Variants in RNASEH2B observed in about 807,000 individuals in gnomAD.
The protein encoded by RNASEH2B is ribonuclease H2 subunit B.
In RNASEH2B, 36 loss-of-function variants were observed where a neutral mutation model predicts 45.0. The ratio of observed to expected loss-of-function variants is 0.80; its 90% CI spans 0.61 to 1.06. RNASEH2B has a LOEUF of 1.06. Among genes scored for constraint, RNASEH2B ranks in the 50% least tolerant of loss-of-function variants. The pLI is 0.00. For synonymous variants in RNASEH2B, 119 were observed against 125.7 expected (o/e 0.95, Z 0.35); for missense variants, 361 against 360.3 (o/e 1.00, Z -0.02).
At chr13:50,927,674 T>C (rs1191341488) in intron 2 of RNASEH2B, among the ~76,000 whole-genome samples, 196 bp downstream of exon 2, 1 of 152,206 alleles carries the variant, frequency 6.6e-6, no homozygotes, top group Non-Finnish European at 1.5e-5. Flanking sequence ...TAAAAATTTC[T>C]TCTCATAATT....
chr13:50,941,283 G>A (rs988085843), intron 5 of RNASEH2B: 4 of 152,194 alleles, frequency 2.6e-5, no homozygotes, highest in African/African-American at 9.7e-5. Flanking sequence ...TTTACACATG[G>A]GGGAACAGGC....
At chr13:50,966,635 G>A (rs1057366909) in intron 9 of RNASEH2B, among the ~76,000 whole-genome samples, 10 of 151,434 alleles carry the variant, frequency 6.6e-5, no homozygotes, top group Admixed American at 5.3e-4. Context: ...TGTGCTTCTC[G>A]GTTCTGCACT....
chr13:50,913,691 A>T (rs1007438390), intron 1 of RNASEH2B, among the ~76,000 whole-genome samples: 1 of 152,204 alleles, frequency 6.6e-6, no homozygotes, highest in Non-Finnish European at 1.5e-5. Flanking sequence ...TACATGTTAA[A>T]AAGTATTTTA....
At chr13:50,943,563 C>T (rs908748638) in intron 6 of RNASEH2B, among the ~76,000 whole-genome samples, 169 bp downstream of exon 6, 1 of 152,144 alleles carries the variant, frequency 6.6e-6, no homozygotes, top group Non-Finnish European at 1.5e-5. Context: ...CTTTTTAATC[C>T]TCCCTAACTT....
chr13:50,920,165 C>T (rs1309829765), intron 1 of RNASEH2B, among the ~76,000 whole-genome samples: 1 of 152,190 alleles, frequency 6.6e-6, no homozygotes, highest in African/African-American at 2.4e-5. Flanking sequence ...ATGCCTCAGC[C>T]TCCCAAGTAG....
downstream of RNASEH2B, among the ~76,000 whole-genome samples, chr13:50,958,411 C>G (rs939078747): frequency 5.3e-5 from 8 of 151,974 alleles, no homozygotes; most frequent in Non-Finnish European, 1.2e-4. Context: ...AGGTGTGTGG[C>G]TTTATTTCTG....
chr13:50,944,598 A>G (rs1397557612), intron 6 of RNASEH2B, among the ~76,000 whole-genome samples: 1 of 152,206 alleles, frequency 6.6e-6, no homozygotes, highest in African/African-American at 2.4e-5. Context: ...CTGCACATGT[A>G]TCCCAGAACT....
At chr13:50,970,409 C>T (rs181458623) in exon 10 of RNASEH2B, 29 of 293,394 alleles carry the variant, frequency 9.9e-5, no homozygotes, top group Middle Eastern at 9.5e-4. Context: ...TATACCTAAA[C>T]GTTGGCATTT....
chr13:50,916,391 C>T (rs202071922), intron 1 of RNASEH2B, among the ~76,000 whole-genome samples: 1 of 151,952 alleles, frequency 6.6e-6, no homozygotes, highest in Admixed American at 6.6e-5. Context: ...CTGTTTTTTT[C>T]CTCTTAATTT....
intron 1 of RNASEH2B, among the ~76,000 whole-genome samples, chr13:50,914,563 G>A (rs1180403400): frequency 6.6e-6 from 1 of 152,160 alleles, no homozygotes; most frequent in Non-Finnish European, 1.5e-5. Context: ...GTCTGGCTTT[G>A]TTTTTGCAAA....
intron 1 of RNASEH2B, among the ~76,000 whole-genome samples, chr13:50,923,047 G>A (rs1307906650): frequency 6.6e-6 from 1 of 152,178 alleles, no homozygotes; most frequent in African/African-American, 2.4e-5. Context: ...AAATTCACTT[G>A]TGAGCTCAGC....
intron 7 of RNASEH2B, among the ~76,000 whole-genome samples, chr13:50,945,797 A>G (rs1029851008): frequency 5.3e-5 from 8 of 152,206 alleles, no homozygotes; most frequent in Non-Finnish European, 1.0e-4. Context: ...CCTGGCTATC[A>G]TTTATTGAGG....
intron 5 of RNASEH2B, 127 bp from the exon 6 acceptor site, chr13:50,943,194 G>A: frequency 1.5e-6 from 1 of 665,838 alleles, no homozygotes; most frequent in Non-Finnish European, 2.6e-6. Flanking sequence ...TCTCAGGTTT[G>A]TAAATTAAGC....
intron 9 of RNASEH2B, among the ~76,000 whole-genome samples, chr13:50,962,683 CATCTAT>C (rs1224966840): frequency 6.6e-6 from 1 of 152,120 alleles, no homozygotes; most frequent in Admixed American, 6.5e-5. Flanking sequence ...TCTGATGAGA[CATCTAT>C]GATATTTCTT....
rs1192991250 is a variant in RNASEH2B, at chr13:50,968,232, C to CA, written c.742-1689dup. On this transcript the variant is annotated intron_variant, in intron 9 of 9. Coordinates refer to the RNASEH2B transcript ENST00000422660. Reference sequence around the variant, plus strand: ...GGACAACATAGCAAGACTGTTTCTACAAAAAAAAAAATAAAAAATTAGCCA... The same window carrying CA: ...GGACAACATAGCAAGACTGTTTCTACAAAAAAAAAAAATAAAAAATTAGCCA... Among the ~76,000 whole-genome samples the CA allele has an allele frequency of 6.2e-3, 896 of 145,224 alleles. 7 individuals are homozygous for CA. Among genetic ancestry groups the CA allele is most frequent in the African/African-American group, 0.019 (767 of 39,988 alleles).
chr13:50,917,554 T>C (rs1481374137), intron 1 of RNASEH2B, among the ~76,000 whole-genome samples: 1 of 152,212 alleles, frequency 6.6e-6, no homozygotes, highest in Non-Finnish European at 1.5e-5. Context: ...ATAATTGTAT[T>C]TGACCCTCTT....
intron 9 of RNASEH2B, chr13:50,950,464 AT>A (rs1238970508): frequency 6.6e-6 from 1 of 152,212 alleles, no homozygotes; most frequent in East Asian, 1.9e-4. Flanking sequence ...TCAAAAAAAA[AT>A]GCATGTTTTA....
At chr13:50,938,020 A>T (rs1951781018) in intron 5 of RNASEH2B, 1 of 152,252 alleles carries the variant, frequency 6.6e-6, no homozygotes, top group African/African-American at 2.4e-5. Context: ...CAATATTGTC[A>T]TGTATGAAAA....
At chr13:50,949,550 A>G in intron 9 of RNASEH2B, 45 bp downstream of exon 9, 1 of 1,534,628 alleles carries the variant, frequency 6.5e-7, no homozygotes, top group Non-Finnish European at 9.0e-7. Flanking sequence ...TTAGAAAAAT[A>G]TTACACTCTT....
Sources: gnomAD v4.1 joint callset for allele counts (sites outside exome capture counted in the v4.1 genomes callset) on GRCh38, gnomAD v4.1.1 for gene constraint, MANE v1.5 for transcripts, NCBI Gene and HGNC (gene_info 2026-07-23, HGNC 2026-07-21) for gene names.